Variants in RFX3 observed in about 807,000 individuals in gnomAD.
RFX3 encodes transcription factor RFX3.
RFX3 carries 14 observed loss-of-function variants against 98.6 expected under a neutral mutation model. The ratio of observed to expected loss-of-function variants is 0.14; its 90% CI spans 0.09 to 0.22. RFX3 has a LOEUF of 0.22. Among genes scored for constraint, RFX3 ranks in the 10% least tolerant of loss-of-function variants. The pLI is 1.00. For missense variants in RFX3, 639 were observed against 926.9 expected, an observed-to-expected ratio of 0.69 and a Z score of 4.03; for synonymous variants, 383 against 328.4, an observed-to-expected ratio of 1.17 and a Z score of -1.80.
intron 1 of RFX3, among the ~76,000 whole-genome samples, chr9:3,523,300 G>C (rs923672689): frequency 7.9e-5 from 12 of 152,086 alleles, no homozygotes; most frequent in Admixed American, 5.2e-4. Context: ...ACATAACATA[G>C]TCCCTTCTAG....
At chr9:3,307,122 C>T (rs1173204212) in intron 4 of RFX3, among the ~76,000 whole-genome samples, 1 of 152,112 alleles carries the variant, frequency 6.6e-6, no homozygotes, top group Non-Finnish European at 1.5e-5. Context: ...TCCTTCTTGC[C>T]TTCTGCCATG....
chr9:3,340,429 T>C (rs1266471659), intron 3 of RFX3, among the ~76,000 whole-genome samples: 5 of 152,186 alleles, frequency 3.3e-5, no homozygotes, highest in Non-Finnish European at 7.3e-5. Flanking sequence ...AAAGAGCTTC[T>C]GCACAGCAAA....
At chr9:3,314,515 C>T (rs1422695459) in intron 4 of RFX3, among the ~76,000 whole-genome samples, 2 of 152,182 alleles carry the variant, frequency 1.3e-5, no homozygotes, top group Non-Finnish European at 2.9e-5. Context: ...CAAATTCACA[C>T]ATAACTATAT....
At chr9:3,403,853 C>T (rs1230762961) in intron 1 of RFX3, among the ~76,000 whole-genome samples, 1 of 152,092 alleles carries the variant, frequency 6.6e-6, no homozygotes, top group South Asian at 2.1e-4. Flanking sequence ...TTAGATTTTA[C>T]AGGGAGTGAC....
At chr9:3,418,878 AG>A (rs1843206459) in intron 1 of RFX3, among the ~76,000 whole-genome samples, 1 of 152,250 alleles carries the variant, frequency 6.6e-6, no homozygotes, top group Non-Finnish European at 1.5e-5. Flanking sequence ...GACATGATCC[AG>A]TGGAAACTTA....
chr9:3,265,170 A>G (rs1265803703), intron 12 of RFX3, among the ~76,000 whole-genome samples: 1 of 152,190 alleles, frequency 6.6e-6, no homozygotes, highest in Non-Finnish European at 1.5e-5. Flanking sequence ...GAGGCTACTG[A>G]GCACTCAAAA....
chr9:3,446,833 T>C (rs899483178), intron 1 of RFX3, among the ~76,000 whole-genome samples: 5 of 152,126 alleles, frequency 3.3e-5, no homozygotes, highest in African/African-American at 1.2e-4. Flanking sequence ...TTTGGGTTCT[T>C]GCTGGACACT....
Position 3,225,036 on chromosome 9 carries a change from T to C in RFX3, c.*6A>G. ...TGTAAGCTGGAAAAATACGCTTTAATATTCTTTAGACTGCAGTGTAGGTAT... is the reference window on the plus strand; with the variant it reads ...TGTAAGCTGGAAAAATACGCTTTAACATTCTTTAGACTGCAGTGTAGGTAT... On this transcript the variant is annotated 3_prime_UTR_variant, in exon 17 of 17. Transcript: ENST00000617270. 6.2e-7 allele frequency: 1 copy of C among 1,612,666 alleles called. No homozygotes were observed. The highest frequency in any genetic ancestry group is 8.5e-7 in the Non-Finnish European group (1 of 1,178,928).
At chr9:3,324,151 A>G (rs1256226531) in intron 4 of RFX3, 1 of 308,564 alleles carries the variant, frequency 3.2e-6, no homozygotes, top group Admixed American at 3.1e-5. Flanking sequence ...ATGGTGATAC[A>G]TGTTCCTGCC....
intron 1 of RFX3, among the ~76,000 whole-genome samples, chr9:3,424,685 A>T (rs1356019658): frequency 6.6e-6 from 1 of 152,098 alleles, no homozygotes; most frequent in Non-Finnish European, 1.5e-5. Flanking sequence ...TAATAATTAA[A>T]AAAGAAACTA....
intron 2 of RFX3, among the ~76,000 whole-genome samples, chr9:3,378,734 T>G (rs1230840899): frequency 6.6e-6 from 1 of 151,988 alleles, no homozygotes; most frequent in East Asian, 1.9e-4. Flanking sequence ...TTTTGTGTTT[T>G]GAGTAGAGAT....
chr9:3,347,276 G>T (rs1236635394), intron 2 of RFX3, among the ~76,000 whole-genome samples: 1 of 151,728 alleles, frequency 6.6e-6, no homozygotes, highest in Non-Finnish European at 1.5e-5. Context: ...AGCCAAGATT[G>T]TGCCACTGCG....
At chr9:3,292,922 T>C (rs117265399) in intron 6 of RFX3, among the ~76,000 whole-genome samples, 155 bp downstream of exon 6, 1 of 152,192 alleles carries the variant, frequency 6.6e-6, no homozygotes, top group Non-Finnish European at 1.5e-5. Context: ...CTGAATAATG[T>C]CCTTTCCTTT....
Position 3,224,295 on chromosome 9 carries a change from T to G in RFX3, c.*747A>C, listed in dbSNP as rs113740671. 362 of 152,300 alleles carry G rather than the reference T, an allele frequency of 2.4e-3. 2 individuals are homozygous for G. Among genetic ancestry groups the G allele is most frequent in the African/African-American group, 8.5e-3 (355 of 41,564 alleles). The allele number at this position is 152,300 out of a possible 1,614,324, so 9.4% of individuals were successfully genotyped here. ...ATCAGTAGTCTTTAAACAGAGGAAT[T>G]GGTATGCAAATAATAGTTAAAATTC... is the stretch of plus-strand genomic sequence containing the variant. On this transcript the variant is annotated 3_prime_UTR_variant, in exon 17 of 17. Coordinates refer to ENST00000617270, the MANE Select transcript of RFX3 (RefSeq NM_001282116.2).
At chr9:3,515,405 A>T (rs1587914373) in intron 1 of RFX3, among the ~76,000 whole-genome samples, 1 of 152,332 alleles carries the variant, frequency 6.6e-6, no homozygotes, top group Non-Finnish European at 1.5e-5. Context: ...ACAATATTAC[A>T]GTAGGTAAGG....
chr9:3,247,274 C>A, intron 15 of RFX3: 5 of 987,164 alleles, frequency 5.1e-6, no homozygotes, highest in Non-Finnish European at 6.0e-6. Context: ...AGAGTTTAAG[C>A]TTTTTGATAA....
intron 5 of RFX3, among the ~76,000 whole-genome samples, chr9:3,296,065 C>A (rs894917693): frequency 6.6e-6 from 1 of 151,700 alleles, no homozygotes; most frequent in Non-Finnish European, 1.5e-5. Flanking sequence ...TAGGAATTAT[C>A]TTGTAGATTA....
intron 2 of RFX3, among the ~76,000 whole-genome samples, chr9:3,353,985 C>A (rs1835452626): frequency 6.6e-6 from 1 of 151,862 alleles, no homozygotes; most frequent in Admixed American, 6.6e-5. Flanking sequence ...CAAAGAAGAA[C>A]CAAGTACTAT....
chr9:3,234,974 G>A (rs1263727752), intron 15 of RFX3, among the ~76,000 whole-genome samples: 1 of 152,224 alleles, frequency 6.6e-6, no homozygotes, highest in Non-Finnish European at 1.5e-5. Flanking sequence ...TTTAAAGACA[G>A]AAATGAGTGA....
Sources: gnomAD v4.1 joint callset for allele counts (sites outside exome capture counted in the v4.1 genomes callset) on GRCh38, gnomAD v4.1.1 for gene constraint, MANE v1.5 for transcripts, NCBI Gene and HGNC (gene_info 2026-07-23, HGNC 2026-07-21) for gene names.